EXOC4: variants seen among roughly 807,000 people sequenced by gnomAD.
EXOC4 encodes the protein SEC8-like 1.
In EXOC4, 71 loss-of-function variants were observed where a neutral mutation model predicts 107.2. The observed-to-expected ratio is 0.66, with a 90% CI of 0.55 to 0.81. The LOEUF (loss-of-function observed/expected upper bound fraction) is 0.81, where lower values mean the gene tolerates loss of function less well. EXOC4 is among the 30% of genes least tolerant of loss of function. The pLI, the probability that EXOC4 is intolerant of heterozygous loss-of-function variation, is 0.00. For synonymous variants in EXOC4, 456 were observed against 441.2 expected (o/e 1.03, Z -0.42); for missense variants, 1,108 against 1,189.6 (o/e 0.93, Z 1.01).
At chr7:133,836,254 A>G (rs1187025679) in intron 11 of EXOC4, among the ~76,000 whole-genome samples, 1 of 152,150 alleles carries the variant, frequency 6.6e-6, no homozygotes, top group African/African-American at 2.4e-5. Flanking sequence ...CTATCATATA[A>G]AGGCTAGACT....
At chr7:133,560,316 C>T (rs991551049) in intron 9 of EXOC4, among the ~76,000 whole-genome samples, 10 of 151,954 alleles carry the variant, frequency 6.6e-5, no homozygotes, top group Non-Finnish European at 1.3e-4. Context: ...ACAGAGTCTC[C>T]GTCTGTGGCC....
At chr7:133,802,951 GA>G (rs1796983632) in intron 10 of EXOC4, among the ~76,000 whole-genome samples, 1 of 151,386 alleles carries the variant, frequency 6.6e-6, no homozygotes, top group Non-Finnish European at 1.5e-5. Flanking sequence ...ATGCATGTGG[GA>G]AATGACAGAA....
intron 14 of EXOC4, among the ~76,000 whole-genome samples, chr7:133,965,832 T>C (rs1365684665): frequency 6.6e-6 from 1 of 152,208 alleles, no homozygotes; most frequent in Non-Finnish European, 1.5e-5. Context: ...GCATATGAAA[T>C]TTAAAGTAGT....
At chr7:133,292,704 A>G (rs1020353600) in intron 3 of EXOC4, among the ~76,000 whole-genome samples, 1 of 152,048 alleles carries the variant, frequency 6.6e-6, no homozygotes, top group African/African-American at 2.4e-5. Flanking sequence ...ATAAGCTCAT[A>G]TGTTTCATTT....
chr7:133,361,289 C>CT (rs976379164), intron 6 of EXOC4, among the ~76,000 whole-genome samples: 46 of 151,904 alleles, frequency 3.0e-4, no homozygotes, highest in Middle Eastern at 6.8e-3. Flanking sequence ...TAAATTTTTT[C>CT]TTTTTTTTGG....
chr7:133,824,394 C>T (rs1457856845), intron 11 of EXOC4, among the ~76,000 whole-genome samples: 1 of 152,124 alleles, frequency 6.6e-6, no homozygotes, highest in Non-Finnish European at 1.5e-5. Flanking sequence ...TACGCACCTT[C>T]TGTTCTTTCT....
At chr7:133,697,120 G>A (rs899006748) in intron 10 of EXOC4, among the ~76,000 whole-genome samples, 18 of 152,050 alleles carry the variant, frequency 1.2e-4, no homozygotes, top group Non-Finnish European at 1.5e-5. Flanking sequence ...GGAAGTGTTT[G>A]TTTGTTTGTT....
intron 9 of EXOC4, among the ~76,000 whole-genome samples, chr7:133,571,679 CAAAAA>C (rs79894289): frequency 8.9e-6 from 1 of 112,204 alleles, no homozygotes. Flanking sequence ...TGCCTCAAAG[CAAAAA>C]AAAAAAAAAA....
At chr7:133,594,335 C>A (rs1315780327) in intron 9 of EXOC4, among the ~76,000 whole-genome samples, 1 of 152,122 alleles carries the variant, frequency 6.6e-6, no homozygotes, top group Non-Finnish European at 1.5e-5. Flanking sequence ...TTTCTCTCTT[C>A]TTTTCCTTTG....
intron 2 of EXOC4, among the ~76,000 whole-genome samples, chr7:133,275,389 C>T (rs1375408489): frequency 1.3e-5 from 2 of 152,106 alleles, no homozygotes; most frequent in African/African-American, 4.8e-5. Context: ...ATCCTTGGTT[C>T]TGCCATTATT....
intron 5 of EXOC4, among the ~76,000 whole-genome samples, chr7:133,354,981 T>G (rs1275935633): frequency 6.6e-6 from 1 of 152,100 alleles, no homozygotes; most frequent in Non-Finnish European, 1.5e-5. Context: ...AGAATCCTCC[T>G]TAAGAGCGTT....
intron 9 of EXOC4, among the ~76,000 whole-genome samples, chr7:133,546,604 C>G (rs1451130351): frequency 6.6e-6 from 1 of 152,096 alleles, no homozygotes; most frequent in Admixed American, 6.5e-5. Flanking sequence ...AGTCATATAA[C>G]TATCACCACA....
intron 11 of EXOC4, among the ~76,000 whole-genome samples, chr7:133,840,345 A>G (rs77357075): frequency 0.038 from 5,831 of 152,216 alleles, 382 homozygotes; most frequent in African/African-American, 0.13. Flanking sequence ...TAGTATAGGG[A>G]TGCATATCTA....
the EXOC4 span, among the ~76,000 whole-genome samples, chr7:134,074,697 G>A: frequency 6.6e-6 from 1 of 152,192 alleles, no homozygotes; most frequent in Non-Finnish European, 1.5e-5. Context: ...GGTGAATCAT[G>A]CTGTTAGACT....
At chr7:133,810,158 A>G (rs995431021) in intron 10 of EXOC4, among the ~76,000 whole-genome samples, 1 of 152,220 alleles carries the variant, frequency 6.6e-6, no homozygotes, top group African/African-American at 2.4e-5. Context: ...ATTCAAATAA[A>G]TAAAACATCA....
intron 2 of EXOC4, among the ~76,000 whole-genome samples, chr7:133,277,636 A>AT (rs1562999114): frequency 2.6e-5 from 4 of 152,232 alleles, no homozygotes; most frequent in Admixed American, 1.3e-4. Context: ...ACTTTATTAT[A>AT]TCTGATAATT....
At chr7:134,050,337 C>T (rs1422808430) in intron 17 of EXOC4, among the ~76,000 whole-genome samples, 1 of 152,140 alleles carries the variant, frequency 6.6e-6, no homozygotes, top group Non-Finnish European at 1.5e-5. Flanking sequence ...CTTAACAATT[C>T]TATGAGCTAG....
At chr7:133,830,823 ATG>A (rs1563018104) in intron 11 of EXOC4, among the ~76,000 whole-genome samples, 1 of 152,116 alleles carries the variant, frequency 6.6e-6, no homozygotes, top group Non-Finnish European at 1.5e-5. Context: ...TTTTGCGTAT[ATG>A]TGTGTGTGTA....
intron 9 of EXOC4, among the ~76,000 whole-genome samples, chr7:133,539,048 A>G (rs542740865): frequency 5.2e-4 from 79 of 151,726 alleles, no homozygotes; most frequent in Non-Finnish European, 6.0e-4. Flanking sequence ...TGTTTACTTC[A>G]TTGTCTGTCT....
Sources: gnomAD v4.1 joint callset for allele counts (sites outside exome capture counted in the v4.1 genomes callset) on GRCh38, gnomAD v4.1.1 for gene constraint, MANE v1.5 for transcripts, NCBI Gene and HGNC (gene_info 2026-07-23, HGNC 2026-07-21) for gene names.